KIF5B: variants seen among roughly 807,000 people sequenced by gnomAD.
The protein encoded by KIF5B is kinesin family member 5B.
KIF5B carries 49 observed loss-of-function variants against 132.8 expected under a neutral mutation model. That is an observed-to-expected ratio of 0.37 (90% confidence interval 0.29 to 0.47). The LOEUF (loss-of-function observed/expected upper bound fraction) is 0.47, where lower values mean the gene tolerates loss of function less well. Among genes scored for constraint, KIF5B ranks in the 20% least tolerant of loss-of-function variants. The pLI, the probability that KIF5B is intolerant of heterozygous loss-of-function variation, is 1.00. For synonymous variants in KIF5B, 355 were observed against 369.4 expected (o/e 0.96, Z 0.45); for missense variants, 780 against 1,144.0 (o/e 0.68, Z 4.59).
chr10:32,023,062 A>C (rs752050356), intron 15 of KIF5B, 26 bp from the exon 16 acceptor site: 30 of 1,435,226 alleles, frequency 2.1e-5, no homozygotes, highest in Non-Finnish European at 2.5e-5. Context: ...AAAATAAAAA[A>C]TTAAAGCCAA....
At chr10:32,036,505 C>T (rs1298300263) in intron 8 of KIF5B, among the ~76,000 whole-genome samples, 2 of 152,028 alleles carry the variant, frequency 1.3e-5, no homozygotes, top group African/African-American at 2.4e-5. Flanking sequence ...CTGCAACCTC[C>T]GCTTCCCGGG....
chr10:32,015,947 C>G (rs1359031000), intron 24 of KIF5B, among the ~76,000 whole-genome samples: 3 of 151,914 alleles, frequency 2.0e-5, no homozygotes, highest in South Asian at 2.1e-4. Flanking sequence ...AATTCAAGAC[C>G]AGACTAGGCA....
Position 32,035,536 on chromosome 10 carries a change from G to A in KIF5B, c.948C>T (p.Leu316=), listed in dbSNP as rs200787301. The A allele has an allele frequency of 2.2e-5, 36 of 1,611,136 alleles. No homozygotes were observed. Among genetic ancestry groups the A allele is most frequent in the Non-Finnish European group, 4.2e-6 (5 of 1,179,048 alleles). Residue 316 remains leucine (L), a synonymous_variant, in exon 10 of 26, where the codon CTC becomes CTT. Transcript: ENST00000302418. The part of the protein sequence containing the change: ...SYNESETKST[L]LFGQRAKTIK... ...TAACAACAAACCTTTGGCCAAATAA[G>A]AGTGTAGATTTTGTTTCAGACTCAT...
chr10:32,037,115 G>T, intron 8 of KIF5B, 139 bp downstream of exon 8: 1 of 687,996 alleles, frequency 1.5e-6, no homozygotes. Flanking sequence ...ATAAGGCACT[G>T]GCATCAGCGG....
chr10:32,029,330 C>G (rs1220643340), intron 14 of KIF5B, among the ~76,000 whole-genome samples: 2 of 152,206 alleles, frequency 1.3e-5, no homozygotes, highest in Admixed American at 1.3e-4. Flanking sequence ...AAATGCTCAA[C>G]TGGTAAGTAT....
rs1841519260 is a variant in KIF5B at position 32,040,516 on chromosome 10, ATTAC to A, written c.215-63_215-60del. 4.1e-6 allele frequency: 4 copies of A among 964,778 alleles called. No individual in the cohort carries two copies. The South Asian group carries it at 5.2e-5, about 13-fold the overall frequency. The allele number at this position is 964,778 out of a possible 1,614,324, so 59.8% of individuals were successfully genotyped here. On this transcript the variant is annotated intron_variant, in intron 2 of 25. Transcript: ENST00000302418. ...TTTCCTTAAGCAAGATTCCTAAGAA[ATTAC>A]TTAAACTACAGGATGACAGGGTAGA... is the stretch of plus-strand genomic sequence containing the variant.
rs899092014 is a variant in KIF5B, at chr10:32,010,423, G to T, written c.*1114C>A. The T allele has an allele frequency of 1.3e-5, 2 of 152,132 alleles. No homozygotes were observed. The highest frequency in any genetic ancestry group is 2.9e-5 in the Non-Finnish European group (2 of 68,000). The allele number at this position is 152,132 out of a possible 1,614,324, so 9.4% of individuals were successfully genotyped here. A position where few individuals can be genotyped will look rare whatever the true frequency, so the allele number is the denominator to read the frequency against. On this transcript the variant is annotated 3_prime_UTR_variant, in exon 26 of 26. Transcript: ENST00000302418. ...AACAATTTACTATTTCTAGACTAAA[G>T]AAATAAATTAGTGTACAAATTAGTG... is the stretch of plus-strand genomic sequence containing the variant.
At chr10:32,048,087 T>C (rs1343066221) in intron 2 of KIF5B, among the ~76,000 whole-genome samples, 4 of 152,230 alleles carry the variant, frequency 2.6e-5, no homozygotes, top group Non-Finnish European at 4.4e-5. Flanking sequence ...GGAAGAATGA[T>C]AGACTGCCAT....
chr10:32,050,088 G>A (rs543492398), intron 1 of KIF5B, among the ~76,000 whole-genome samples: 1 of 152,208 alleles, frequency 6.6e-6, no homozygotes, highest in African/African-American at 2.4e-5. Context: ...TAAAGGAAAG[G>A]AAGGAAGTTG....
At chr10:32,018,887 G>T (rs1395046434) in intron 20 of KIF5B, among the ~76,000 whole-genome samples, 1 of 151,962 alleles carries the variant, frequency 6.6e-6, no homozygotes, top group African/African-American at 2.4e-5. Context: ...GTAGAGACGG[G>T]GTCTCACTAT....
intron 21 of KIF5B, 46 bp downstream of exon 21, chr10:32,018,456 C>T: frequency 6.3e-7 from 1 of 1,591,152 alleles, no homozygotes. Context: ...GTAGAAAAAA[C>T]CCACAAAATA....
chr10:32,046,735 C>G (rs1156503642), intron 2 of KIF5B, among the ~76,000 whole-genome samples: 1 of 152,132 alleles, frequency 6.6e-6, no homozygotes, highest in Non-Finnish European at 1.5e-5. Flanking sequence ...TTCTTTACTA[C>G]CTCGGAAGTC....
chr10:32,054,948 C>CA (rs141862474), intron 1 of KIF5B, among the ~76,000 whole-genome samples: 30,368 of 152,090 alleles, frequency 0.2, 3,277 homozygotes, highest in Non-Finnish European at 0.24. Flanking sequence ...CAATTTTCTT[C>CA]AAGATAGACC....
intron 8 of KIF5B, 89 bp from the exon 9 acceptor site, chr10:32,036,083 C>T (rs1841456972): frequency 1.3e-6 from 1 of 785,570 alleles, no homozygotes. Flanking sequence ...TCATCAATAA[C>T]CAGTAAAAAA....
chr10:32,032,151 T>A (rs1005003093), intron 13 of KIF5B, among the ~76,000 whole-genome samples: 1 of 152,070 alleles, frequency 6.6e-6, no homozygotes, highest in African/African-American at 2.4e-5. Context: ...TAGGGTAGAA[T>A]GCTAATGGCA....
At chr10:32,050,961 C>T (rs1320768663) in intron 1 of KIF5B, among the ~76,000 whole-genome samples, 1 of 152,194 alleles carries the variant, frequency 6.6e-6, no homozygotes, top group Non-Finnish European at 1.5e-5. Context: ...AATTTTCCCT[C>T]ATTTATCCAG....
At chr10:32,047,438 T>G (rs953517909) in intron 2 of KIF5B, among the ~76,000 whole-genome samples, 2 of 152,090 alleles carry the variant, frequency 1.3e-5, no homozygotes, top group African/African-American at 4.8e-5. Context: ...TGGGCAAAAA[T>G]TCAACTCTTT....
chr10:32,055,804 G>A, intron 1 of KIF5B, 44 bp downstream of exon 1: 2 of 1,602,598 alleles, frequency 1.2e-6, no homozygotes, highest in East Asian at 2.2e-5. Context: ...CGCACAGGCC[G>A]GCCCGAAGAA....
intron 25 of KIF5B, among the ~76,000 whole-genome samples, chr10:32,013,564 G>T (rs1841114001): frequency 6.6e-6 from 1 of 152,090 alleles, no homozygotes. Flanking sequence ...GTCCTGAATT[G>T]TACTCTGGTT....
Sources: gnomAD v4.1 joint callset for allele counts (sites outside exome capture counted in the v4.1 genomes callset) on GRCh38, gnomAD v4.1.1 for gene constraint, MANE v1.5 for transcripts, NCBI Gene and HGNC (gene_info 2026-07-23, HGNC 2026-07-21) for gene names.